Variants in DNAH14 observed in about 807,000 individuals in gnomAD.
The protein encoded by DNAH14 is dynein axonemal heavy chain 14, also known as axonemal beta dynein heavy chain 14.
A neutral mutation model predicts 520.9 loss-of-function variants in DNAH14; 478 were observed. The observed-to-expected ratio is 0.92, with a 90% CI of 0.85 to 0.99. The LOEUF (loss-of-function observed/expected upper bound fraction) is 0.99. DNAH14 is among the 50% of genes least tolerant of loss of function. DNAH14 has a pLI of 0.00. For missense variants in DNAH14, 4,831 were observed against 5,234.5 expected (o/e 0.92, Z 2.38); for synonymous variants, 1,581 against 1,757.2 (o/e 0.90, Z 2.51).
intron 61 of DNAH14, among the ~76,000 whole-genome samples, chr1:225,319,434 T>C (rs2094521777): frequency 6.6e-6 from 1 of 152,150 alleles, no homozygotes; most frequent in African/African-American, 2.4e-5. Context: ...TTGTAGAAAA[T>C]AGTATTTTAA....
rs1373650194 is a variant in DNAH14 at position 225,385,485 on chromosome 1, G to A, written c.13078-2894G>A. On this transcript the variant is annotated intron_variant, in intron 81 of 85. Coordinates refer to ENST00000682510, the MANE Select transcript of DNAH14 (RefSeq NM_001367479.1). ...GATTGTATATCTAGAAAACCCCATC[G>A]TCTCAGCCCAAAATCTCCTTAAGCT... Among the ~76,000 whole-genome samples, 46 of 152,216 alleles carry A rather than the reference G, an allele frequency of 3.0e-4. No homozygotes were observed. In the Middle Eastern group the frequency reaches 0.01, roughly 34 times the overall value.
chr1:225,023,788 C>T lies in DNAH14; in HGVS notation c.1281C>T (p.Val427=). Reference sequence around the variant, plus strand: ...TTCGTCAACTTATGAACACTGCAGTCACACTACTTTTGGAATTATTTAATG... The same window carrying T: ...TTCGTCAACTTATGAACACTGCAGTTACACTACTTTTGGAATTATTTAATG... ...ELIRQLMNTA[V]TLLLELFNGS... is the part of the protein sequence containing the mutation. The change falls in exon 11 of 86, where the codon GTC becomes GTT. Residue 427 remains valine (V), a synonymous_variant. Coordinates refer to ENST00000682510, the MANE Select transcript of DNAH14 (RefSeq NM_001367479.1). The T allele has an allele frequency of 6.5e-7, 1 of 1,550,340 alleles. No homozygotes were observed. Among genetic ancestry groups the T allele is most frequent in the Non-Finnish European group, 8.7e-7 (1 of 1,146,310 alleles).
chr1:225,250,744 G>T (rs1188637236), intron 43 of DNAH14: 2 of 496,562 alleles, frequency 4.0e-6, no homozygotes, highest in Non-Finnish European at 7.4e-6. Flanking sequence ...AGGAAGGAAT[G>T]GGCAAAGCAG....
intron 36 of DNAH14, among the ~76,000 whole-genome samples, chr1:225,171,398 G>T (rs2082643894): frequency 2.0e-5 from 3 of 151,984 alleles, no homozygotes; most frequent in African/African-American, 7.3e-5. Context: ...AGAAAAGAGA[G>T]AAGAATGAAA....
chr1:225,366,344 A>G (rs1445502872), intron 76 of DNAH14, among the ~76,000 whole-genome samples: 1 of 152,186 alleles, frequency 6.6e-6, no homozygotes, highest in Non-Finnish European at 1.5e-5. Context: ...ATAAATTATG[A>G]TGTATTTGTG....
intron 41 of DNAH14, among the ~76,000 whole-genome samples, chr1:225,215,632 C>G (rs2089198145): frequency 6.6e-6 from 1 of 152,164 alleles, no homozygotes. Context: ...TTGAATTGAT[C>G]CCTTTACCAT....
chr1:225,221,663 A>C (rs765530918), intron 41 of DNAH14, among the ~76,000 whole-genome samples: 13 of 152,212 alleles, frequency 8.5e-5, no homozygotes, highest in Non-Finnish European at 1.8e-4. Flanking sequence ...GATGCTGTGT[A>C]GGAGATCAGT....
At chr1:225,251,674 A>G (rs1193070000) in intron 43 of DNAH14, among the ~76,000 whole-genome samples, 1 of 152,208 alleles carries the variant, frequency 6.6e-6, no homozygotes, top group African/African-American at 2.4e-5. Context: ...TATATAAATT[A>G]CGTATCAAAC....
At chr1:225,104,504 C>A (rs2148764269) in intron 23 of DNAH14, among the ~76,000 whole-genome samples, 1 of 152,120 alleles carries the variant, frequency 6.6e-6, no homozygotes, top group Middle Eastern at 3.4e-3. Context: ...GGCTGTGAAT[C>A]CATCTGGTCC....
At chr1:225,118,540 A>G (rs534248627) in intron 25 of DNAH14, among the ~76,000 whole-genome samples, 80 of 152,250 alleles carry the variant, frequency 5.3e-4, no homozygotes, top group Non-Finnish European at 6.6e-4. Flanking sequence ...GCTGTGCCCA[A>G]CCCTTCTTAT....
At chr1:225,177,393 T>C (rs765126874) in intron 36 of DNAH14, among the ~76,000 whole-genome samples, 1 of 152,144 alleles carries the variant, frequency 6.6e-6, no homozygotes, top group Non-Finnish European at 1.5e-5. Context: ...AAAGAAAATC[T>C]CATTTTCTGA....
At chr1:225,175,354 C>T (rs1304083963) in intron 36 of DNAH14, among the ~76,000 whole-genome samples, 2 of 152,110 alleles carry the variant, frequency 1.3e-5, no homozygotes, top group Non-Finnish European at 2.9e-5. Flanking sequence ...TTCTTTTCTT[C>T]GTAATTCAAT....
intron 56 of DNAH14, among the ~76,000 whole-genome samples, chr1:225,302,273 G>C (rs2094153644): frequency 6.6e-6 from 1 of 151,674 alleles, no homozygotes; most frequent in Non-Finnish European, 1.5e-5. Context: ...GTAAAACAAA[G>C]ATAGATATTT....
At chr1:225,135,597 T>G (rs1462491506) in intron 27 of DNAH14, among the ~76,000 whole-genome samples, 1 of 152,124 alleles carries the variant, frequency 6.6e-6, no homozygotes, top group Non-Finnish European at 1.5e-5. Flanking sequence ...TGTGACCAAT[T>G]TTAAAGTAAG....
chr1:225,218,453 TAGA>T (rs1337431523), intron 41 of DNAH14, among the ~76,000 whole-genome samples: 6 of 142,888 alleles, frequency 4.2e-5, no homozygotes, highest in Non-Finnish European at 6.1e-5. Context: ...AATAAAGGGA[TAGA>T]AGAAGATCTA....
At chr1:225,135,722 C>T (rs1286095741) in intron 27 of DNAH14, among the ~76,000 whole-genome samples, 7 of 152,040 alleles carry the variant, frequency 4.6e-5, no homozygotes, top group Non-Finnish European at 8.8e-5. Flanking sequence ...TGTTTATTTT[C>T]TGTCTCAGTG....
At position 225,249,914 on chromosome 1, in the gene DNAH14, T is replaced by C. The variant is rs149008627; in HGVS notation, c.6749-2387T>C. On this transcript the variant is annotated intron_variant, in intron 43 of 85. Coordinates refer to ENST00000682510, the MANE Select transcript of DNAH14 (RefSeq NM_001367479.1). ...TCATCCATAATGTATCATTTATCAG[T>C]AGTTAATTTGCTGAATAGTATTCCA... Among the ~76,000 whole-genome samples, 561 of 152,336 alleles carry C rather than the reference T, an allele frequency of 3.7e-3. 4 individuals carry two copies. Among genetic ancestry groups the C allele is most frequent in the African/African-American group, 0.013 (543 of 41,576 alleles).
intron 8 of DNAH14, among the ~76,000 whole-genome samples, chr1:224,992,107 T>C (rs2063099001): frequency 6.6e-6 from 1 of 152,108 alleles, no homozygotes; most frequent in Non-Finnish European, 1.5e-5. Context: ...TCTGATTTTT[T>C]TTTCTGGCCA....
At chr1:225,319,179 G>A (rs141886608) in intron 61 of DNAH14, among the ~76,000 whole-genome samples, 32 of 152,268 alleles carry the variant, frequency 2.1e-4, no homozygotes, top group African/African-American at 6.3e-4. Context: ...CAGGAAGTGC[G>A]GGAAGTGCTT....
Sources: gnomAD v4.1 joint callset for allele counts (sites outside exome capture counted in the v4.1 genomes callset) on GRCh38, gnomAD v4.1.1 for gene constraint, MANE v1.5 for transcripts, NCBI Gene and HGNC (gene_info 2026-07-23, HGNC 2026-07-21) for gene names.